The following NBEA variants were observed in gnomAD, a reference collection of about 807,000 sequenced individuals.
NBEA encodes lysosomal-trafficking regulator 2.
A neutral mutation model predicts 343.4 loss-of-function variants in NBEA; 44 were observed. The ratio of observed to expected loss-of-function variants is 0.13; its 90% confidence interval spans 0.10 to 0.16. The LOEUF (loss-of-function observed/expected upper bound fraction) is 0.16. Among genes scored for constraint, NBEA ranks in the 10% least tolerant of loss-of-function variants. The pLI is 1.00. For missense variants in NBEA, 2,555 were observed against 3,631.3 expected (o/e 0.70, Z 7.62); for synonymous variants, 1,175 against 1,238.7 (o/e 0.95, Z 1.08).
At chr13:35,505,230 A>T (rs1177134598) in intron 41 of NBEA, among the ~76,000 whole-genome samples, 1 of 152,064 alleles carries the variant, frequency 6.6e-6, no homozygotes, top group Non-Finnish European at 1.5e-5. Context: ...CTGGCTTTTT[A>T]AAAAAAATTA....
chr13:35,249,736 A>G (rs1766934762), intron 34 of NBEA, among the ~76,000 whole-genome samples: 1 of 152,204 alleles, frequency 6.6e-6, no homozygotes, highest in Non-Finnish European at 1.5e-5. Context: ...TATAGCCAAA[A>G]CAACTTAAAG....
intron 34 of NBEA, among the ~76,000 whole-genome samples, chr13:35,259,142 T>C (rs1482912992): frequency 6.6e-6 from 1 of 152,202 alleles, no homozygotes; most frequent in Admixed American, 6.5e-5. Context: ...GGGAAGTTAG[T>C]TTTCTCCATT....
At chr13:35,585,227 T>C (rs1353323512) in intron 46 of NBEA, among the ~76,000 whole-genome samples, 7 of 147,530 alleles carry the variant, frequency 4.7e-5, no homozygotes, top group Non-Finnish European at 7.4e-5. Context: ...CAACCTCTGC[T>C]GTCCTGCAGT....
At chr13:35,334,516 C>A (rs1211710298) in intron 36 of NBEA, among the ~76,000 whole-genome samples, 1 of 152,168 alleles carries the variant, frequency 6.6e-6, no homozygotes, top group African/African-American at 2.4e-5. Context: ...GTGATCCACC[C>A]ACCTTGGTGT....
intron 39 of NBEA, among the ~76,000 whole-genome samples, chr13:35,449,917 T>C (rs2046221903): frequency 6.6e-6 from 1 of 152,170 alleles, no homozygotes; most frequent in Non-Finnish European, 1.5e-5. Flanking sequence ...AACCATGTGC[T>C]CTAAATGTGG....
At chr13:35,417,870 A>T (rs926672923) in intron 38 of NBEA, among the ~76,000 whole-genome samples, 4 of 152,162 alleles carry the variant, frequency 2.6e-5, no homozygotes, top group African/African-American at 7.2e-5. Context: ...GTGGGATTTT[A>T]AGTCTCTTTG....
intron 1 of NBEA, among the ~76,000 whole-genome samples, chr13:35,004,180 T>C (rs1337102353): frequency 6.6e-6 from 1 of 152,190 alleles, no homozygotes; most frequent in Non-Finnish European, 1.5e-5. Context: ...AGTATATTAT[T>C]GATGGGCATT....
chr13:35,388,057 G>A (rs979205607), intron 38 of NBEA, among the ~76,000 whole-genome samples: 1 of 151,914 alleles, frequency 6.6e-6, no homozygotes, highest in African/African-American at 2.4e-5. Context: ...TTAAATTTCC[G>A]AATCCACAAA....
At chr13:35,366,597 T>G (rs1189150549) in intron 38 of NBEA, among the ~76,000 whole-genome samples, 1 of 150,500 alleles carries the variant, frequency 6.6e-6, no homozygotes, top group African/African-American at 2.5e-5. Context: ...TTGTTAATTT[T>G]CTCTAGTTCA....
At chr13:35,341,821 T>TA (rs1286168865) in intron 36 of NBEA, among the ~76,000 whole-genome samples, 1 of 152,180 alleles carries the variant, frequency 6.6e-6, no homozygotes, top group East Asian at 1.9e-4. Context: ...GTTTGGCTGT[T>TA]ACTCGACAAG....
chr13:35,185,588 A>G (rs2071641539), intron 30 of NBEA: 1 of 152,130 alleles, frequency 6.6e-6, no homozygotes, highest in Admixed American at 6.6e-5. Flanking sequence ...GTGTGTTCCA[A>G]AGGCTCTGCT....
intron 17 of NBEA, among the ~76,000 whole-genome samples, chr13:35,131,313 C>T (rs1593449522): frequency 1.3e-5 from 2 of 152,188 alleles, no homozygotes; most frequent in East Asian, 3.9e-4. Context: ...TATGGTCAAT[C>T]TCCCCTATGA....
At chr13:35,077,557 C>G (rs896833504) in intron 10 of NBEA, among the ~76,000 whole-genome samples, 1 of 152,048 alleles carries the variant, frequency 6.6e-6, no homozygotes, top group Non-Finnish European at 1.5e-5. Context: ...CCTTAAATAC[C>G]TCACAAAGCT....
chr13:35,337,875 A>T (rs1044134215), intron 36 of NBEA, among the ~76,000 whole-genome samples: 55 of 152,090 alleles, frequency 3.6e-4, no homozygotes, highest in African/African-American at 1.2e-3. Flanking sequence ...CTAAATAACC[A>T]ATGGGTTAAA....
chr13:35,515,756 T>TGA (rs1330175659), intron 41 of NBEA, among the ~76,000 whole-genome samples: 1 of 152,146 alleles, frequency 6.6e-6, no homozygotes, highest in Non-Finnish European at 1.5e-5. Context: ...CTGGTTTTTT[T>TGA]TTTTTAAATT....
intron 32 of NBEA, among the ~76,000 whole-genome samples, 165 bp downstream of exon 32, chr13:35,209,019 G>T (rs1341529497): frequency 1.3e-5 from 2 of 152,116 alleles, no homozygotes; most frequent in Non-Finnish European, 2.9e-5. Flanking sequence ...GTCTGTAGTT[G>T]TAGAGTGCAT....
At chr13:35,369,224 A>G (rs2041296506) in intron 38 of NBEA, among the ~76,000 whole-genome samples, 1 of 147,782 alleles carries the variant, frequency 6.8e-6, no homozygotes, top group African/African-American at 2.5e-5. Context: ...GTTGGCTGTA[A>G]GTACATGGAT....
chr13:35,004,726 C>T (rs1408553327), intron 1 of NBEA, among the ~76,000 whole-genome samples: 1 of 152,106 alleles, frequency 6.6e-6, no homozygotes, highest in African/African-American at 2.4e-5. Context: ...AGTAATCCCA[C>T]TTGGTATATG....
chr13:35,403,186 T>A (rs2043076804), intron 38 of NBEA, among the ~76,000 whole-genome samples: 1 of 151,396 alleles, frequency 6.6e-6, no homozygotes, highest in Non-Finnish European at 1.5e-5. Context: ...AATAAAAAAT[T>A]AATTAAAATA....
Sources: gnomAD v4.1 joint callset for allele counts (sites outside exome capture counted in the v4.1 genomes callset) on GRCh38, gnomAD v4.1.1 for gene constraint, MANE v1.5 for transcripts, NCBI Gene and HGNC (gene_info 2026-07-23, HGNC 2026-07-21) for gene names.